Variants in RAB11FIP3 observed in about 807,000 individuals in gnomAD.
The protein encoded by RAB11FIP3 is rab11 family-interacting protein 3.
In RAB11FIP3, 17 loss-of-function variants were observed where a neutral mutation model predicts 77.8. The ratio of observed to expected loss-of-function variants is 0.22; its 90% CI spans 0.15 to 0.33. RAB11FIP3 has a LOEUF of 0.33. RAB11FIP3 is among the 10% of genes least tolerant of loss of function. RAB11FIP3 has a pLI of 1.00. For synonymous variants in RAB11FIP3, 437 were observed against 448.2 expected (o/e 0.98, Z 0.31); for missense variants, 1,005 against 1,011.2 (o/e 0.99, Z 0.08).
In RAB11FIP3 at chr16:475,879, T is replaced by C. The variant is rs567538795; in HGVS notation, c.903+4490T>C. On this transcript the variant is annotated intron_variant, in intron 3 of 13. Transcript: ENST00000262305. ...TTATTTTTTAAATTGTTTTTTGAGA[T>C]GGAGTCTCACTCTGTCACCCAGGCT... Among the ~76,000 whole-genome samples the C allele has an allele frequency of 1.0e-2, 1,508 of 151,442 alleles. 33 individuals are homozygous for C. Among genetic ancestry groups the C allele is most frequent in the African/African-American group, 0.035 (1,423 of 40,796 alleles).
intron 1 of RAB11FIP3, among the ~76,000 whole-genome samples, chr16:451,739 G>T (rs796792041): frequency 2.6e-5 from 4 of 152,156 alleles, no homozygotes; most frequent in Non-Finnish European, 4.4e-5. Context: ...GGAGGCTGAG[G>T]CAGGAGAATT....
Position 481,578 on chromosome 16 carries a change from A to G in RAB11FIP3, c.904-947A>G, listed in dbSNP as rs2056044141. Among the ~76,000 whole-genome samples, 5 of 149,348 alleles carry G rather than the reference A, an allele frequency of 3.3e-5. No homozygotes were observed. The Admixed American group carries it at 3.4e-4, about 10-fold the overall frequency. On this transcript the variant is annotated intron_variant, in intron 3 of 13. Coordinates refer to ENST00000262305, the MANE Select transcript of RAB11FIP3 (RefSeq NM_014700.4). ...AGTCTCTTGAGTAGCTGGGACCTAC[A>G]GGCAGGTGCCACCACACCTGGGCAA...
intron 6 of RAB11FIP3, chr16:502,711 C>CA (rs1198634696): frequency 2.0e-6 from 1 of 492,098 alleles, no homozygotes; most frequent in Non-Finnish European, 3.6e-6. Context: ...CTCTGCCACT[C>CA]GCTGGCTGGG....
At chr16:492,360 T>TCCAGAGC in intron 5 of RAB11FIP3, among the ~76,000 whole-genome samples, 3 of 25,632 alleles carry the variant, frequency 1.2e-4, no homozygotes, top group African/African-American at 6.6e-4. Context: ...TTGAAGAGGG[T>TCCAGAGC]CTTCCCGGGA....
chr16:492,306 C>CAT (rs2030300826), intron 5 of RAB11FIP3, among the ~76,000 whole-genome samples: 2 of 140,720 alleles, frequency 1.4e-5, no homozygotes, highest in South Asian at 4.3e-4. Context: ...CATTCTGGAG[C>CAT]ATCGGGGGTC....
At chr16:520,349 C>G in intron 12 of RAB11FIP3, 72 bp downstream of exon 12, 2 of 1,571,262 alleles carry the variant, frequency 1.3e-6, no homozygotes, top group African/African-American at 1.3e-5. Flanking sequence ...GAAGGGGGGG[C>G]CGTGGAGGGT....
intron 1 of RAB11FIP3, among the ~76,000 whole-genome samples, chr16:447,296 C>T (rs543456968): frequency 6.6e-6 from 1 of 151,918 alleles, no homozygotes; most frequent in Non-Finnish European, 1.5e-5. Flanking sequence ...TAGAGTAAGA[C>T]CCTGTCTCCA....
At chr16:479,917 C>T (rs2055999618) in intron 3 of RAB11FIP3, among the ~76,000 whole-genome samples, 1 of 149,878 alleles carries the variant, frequency 6.7e-6, no homozygotes, top group East Asian at 2.0e-4. Flanking sequence ...GACACTGTCT[C>T]AAACAACAAC....
intron 6 of RAB11FIP3, among the ~76,000 whole-genome samples, chr16:499,795 CAAAA>C (rs11319631): frequency 1.9e-5 from 1 of 53,966 alleles, no homozygotes; most frequent in Non-Finnish European, 4.0e-5. Context: ...AAGACTGTCT[CAAAA>C]AAAAAAAAAA....
chr16:489,117 T>C, intron 5 of RAB11FIP3, 117 bp downstream of exon 5: 1 of 1,240,250 alleles, frequency 8.1e-7, no homozygotes, highest in Non-Finnish European at 1.1e-6. Flanking sequence ...TGACGTCATG[T>C]GATTAAGTAA....
intron 1 of RAB11FIP3, among the ~76,000 whole-genome samples, chr16:445,551 C>A (rs1279431567): frequency 2.0e-5 from 3 of 152,130 alleles, no homozygotes; most frequent in Admixed American, 6.5e-5. Flanking sequence ...TCTATAATCT[C>A]CCCCTTGCCC....
At chr16:488,625 T>C (rs2029894938) in intron 4 of RAB11FIP3, among the ~76,000 whole-genome samples, 1 of 151,832 alleles carries the variant, frequency 6.6e-6, no homozygotes, top group South Asian at 2.1e-4. Context: ...CCCAGGCTGG[T>C]CTCAAACTCC....
chr16:479,526 A>AAAAT (rs1216363273), intron 3 of RAB11FIP3, among the ~76,000 whole-genome samples: 2 of 152,020 alleles, frequency 1.3e-5, no homozygotes, highest in African/African-American at 4.8e-5. Flanking sequence ...ACCCTGATTC[A>AAAAT]AAATAAATAA....
chr16:443,324 C>T (rs1240185106), intron 1 of RAB11FIP3, among the ~76,000 whole-genome samples: 3 of 151,998 alleles, frequency 2.0e-5, no homozygotes, highest in East Asian at 1.9e-4. Context: ...AGATCATGCA[C>T]GCTTAAAATA....
At chr16:500,687 CAAAAAAAA>C (rs56771770) in intron 6 of RAB11FIP3, among the ~76,000 whole-genome samples, 11 of 22,304 alleles carry the variant, frequency 4.9e-4, no homozygotes, top group Admixed American at 7.3e-4. Context: ...GACTCTGTCG[CAAAAAAAA>C]AAAAAAAAAA....
chr16:441,009 C>T (rs772505992), intron 1 of RAB11FIP3, among the ~76,000 whole-genome samples: 2 of 151,900 alleles, frequency 1.3e-5, no homozygotes, highest in Non-Finnish European at 2.9e-5. Flanking sequence ...GGTGCAATCT[C>T]GGCTCACTGC....
In RAB11FIP3 at chr16:446,591, C is replaced by A. The variant is rs554318761; in HGVS notation, c.715-14813C>A. Among the ~76,000 whole-genome samples, 22 of 152,350 alleles carry A rather than the reference C, an allele frequency of 1.4e-4. No homozygotes were observed. In the South Asian group the frequency reaches 4.4e-3, roughly 30 times the overall value. Reference sequence around the variant, plus strand: ...AGTTTGTGGCATCTGCTGCTCTAGCCTGGTGTCCAGATGTGTCCTACAGAG... The same window carrying A: ...AGTTTGTGGCATCTGCTGCTCTAGCATGGTGTCCAGATGTGTCCTACAGAG... On this transcript the variant is annotated intron_variant, in intron 1 of 13. Transcript: ENST00000262305.
chr16:427,465 G>T (rs994428135), intron 1 of RAB11FIP3, among the ~76,000 whole-genome samples: 1 of 152,210 alleles, frequency 6.6e-6, no homozygotes, highest in Admixed American at 6.5e-5. Flanking sequence ...GGTCCACGCG[G>T]TCCTCAGGGC....
intron 5 of RAB11FIP3, chr16:491,011 C>A: frequency 1.1e-6 from 1 of 891,596 alleles, no homozygotes; most frequent in South Asian, 1.7e-5. Flanking sequence ...ACAGCTCATT[C>A]TCTCTCCACG....
Sources: allele counts gnomAD v4.1 joint callset (sites outside exome capture counted in the v4.1 genomes callset), GRCh38; gene constraint gnomAD v4.1.1; transcripts MANE v1.5; gene names NCBI Gene and HGNC (gene_info 2026-07-23, HGNC 2026-07-21).